KAT6B: variants seen among roughly 807,000 people sequenced by gnomAD.
The protein encoded by KAT6B is lysine acetyltransferase 6B.
In KAT6B, 10 loss-of-function variants were observed where a neutral mutation model predicts 187.5. That is an observed-to-expected ratio of 0.05 (90% CI 0.03 to 0.09). KAT6B has a LOEUF of 0.09. KAT6B is among the 10% of genes least tolerant of loss of function. The probability of loss-of-function intolerance (pLI) is 1.00; values close to 1 mark genes in which losing one functional copy is unlikely to be tolerated. For synonymous variants in KAT6B, 861 were observed against 926.8 expected, an observed-to-expected ratio of 0.93 and a Z score of 1.29; for missense variants, 1,952 against 2,558.9, an observed-to-expected ratio of 0.76 and a Z score of 5.12.
intron 12 of KAT6B, among the ~76,000 whole-genome samples, chr10:74,986,388 T>A (rs749495579): frequency 1.1e-4 from 17 of 152,204 alleles, no homozygotes; most frequent in Non-Finnish European, 2.2e-4. Context: ...TGATATTTTT[T>A]TATATTAGGT....
intron 3 of KAT6B, among the ~76,000 whole-genome samples, chr10:74,956,522 C>G (rs1228700665): frequency 6.6e-6 from 1 of 152,036 alleles, no homozygotes; most frequent in Non-Finnish European, 1.5e-5. Context: ...AGAGTTATTG[C>G]CACTGATGGA....
upstream of KAT6B, among the ~76,000 whole-genome samples, chr10:74,826,206 C>G (rs1439161102): frequency 6.6e-6 from 1 of 151,794 alleles, no homozygotes; most frequent in Non-Finnish European, 1.5e-5. Context: ...TAAGGCTACG[C>G]TCCTCTGCTG....
chr10:74,967,995 A>C (rs972601900), intron 4 of KAT6B, among the ~76,000 whole-genome samples: 4 of 152,208 alleles, frequency 2.6e-5, no homozygotes, highest in South Asian at 2.1e-4. Context: ...GGGGGGAAGT[A>C]AGTGGTATAC....
intron 3 of KAT6B, among the ~76,000 whole-genome samples, chr10:74,951,215 C>G (rs1374728757): frequency 6.6e-6 from 1 of 151,708 alleles, no homozygotes; most frequent in African/African-American, 2.4e-5. Context: ...CTGCAACCTC[C>G]CTCTCCCGGG....
chr10:74,997,562 A>T (rs1843523474), intron 13 of KAT6B, among the ~76,000 whole-genome samples: 1 of 152,176 alleles, frequency 6.6e-6, no homozygotes, highest in Non-Finnish European at 1.5e-5. Flanking sequence ...GAAGTCTCTT[A>T]GGTATAATGG....
At position 75,030,220 on chromosome 10, in the gene KAT6B, G is replaced by A; in HGVS notation, c.5396G>A (p.Gly1799Asp). The A allele has an allele frequency of 1.2e-6, 2 of 1,614,176 alleles. 1 individual carries two copies. Among genetic ancestry groups the A allele is most frequent in the East Asian group, 4.5e-5 (2 of 44,888 alleles). ...AACATTGGCTTATACGAGCGAATGG[G>A]TCAGAGTGATTTTGGGGCTGGGCAT... ...NANIGLYERM[G>D]QSDFGAGHYP... The change falls in exon 18 of 18, where the codon GGT (glycine) becomes GAT (aspartate). Residue 1799 changes from glycine to aspartate, a missense_variant. This residue lies in a region of KAT6B where 358 missense variants were observed against 436.3 expected (regional missense o/e 0.82). Transcript: ENST00000287239. This position sits in a 1 kb window ranked among gnomAD's most constrained non-coding sequence, Gnocchi z 4.8.
chr10:74,997,179 C>G (rs561940966), intron 13 of KAT6B, among the ~76,000 whole-genome samples: 3 of 151,960 alleles, frequency 2.0e-5, no homozygotes, highest in Admixed American at 6.5e-5. Flanking sequence ...CTGGGCAACA[C>G]AAGGAGACCA....
At position 75,030,965 on chromosome 10, in the gene KAT6B, G is replaced by A. The variant is rs1846281686; in HGVS notation, c.6141G>A (p.Met2047Ile). The change falls in exon 18 of 18, where the codon ATG becomes ATA. Residue 2047 changes from methionine to isoleucine, a missense_variant. Coordinates refer to ENST00000287239, the MANE Select transcript of KAT6B (RefSeq NM_012330.4). This position sits in a 1 kb window ranked among gnomAD's most constrained non-coding sequence, Gnocchi z 4.8. ...PMQTPPHGNM[M>I]YTAPGHHGYM... ...AGACCCCACCCCACGGTAACATGAT[G>A]TACACGGCCCCCGGACATCACGGCT... The A allele has an allele frequency of 1.2e-6, 2 of 1,614,132 alleles. No homozygotes were observed. Among genetic ancestry groups the A allele is most frequent in the Non-Finnish European group, 1.7e-6 (2 of 1,180,034 alleles).
chr10:74,972,723 G>T, intron 7 of KAT6B, 84 bp downstream of exon 7: 1 of 1,287,538 alleles, frequency 7.8e-7, no homozygotes. Context: ...TTCCTTTAGG[G>T]GTTTTTTGGC....
At chr10:74,865,981 AT>A (rs1369030525) in intron 3 of KAT6B, among the ~76,000 whole-genome samples, 1 of 152,032 alleles carries the variant, frequency 6.6e-6, no homozygotes, top group Non-Finnish European at 1.5e-5. Context: ...CTAATACAGT[AT>A]TCATGGATGC....
chr10:74,852,522 GTTGTTGAGACA>G (rs1842538980), intron 3 of KAT6B, among the ~76,000 whole-genome samples: 1 of 152,224 alleles, frequency 6.6e-6, no homozygotes, highest in Admixed American at 6.5e-5. Context: ...GGTAGTACCA[GTTGTTGAGACA>G]TTGTTGAGAG....
At chr10:74,894,204 C>A (rs1241896547) in intron 3 of KAT6B, among the ~76,000 whole-genome samples, 1 of 152,134 alleles carries the variant, frequency 6.6e-6, no homozygotes, top group Non-Finnish European at 1.5e-5. Flanking sequence ...GCCTCAGCCT[C>A]CCAAGTAGCT....
intron 3 of KAT6B, among the ~76,000 whole-genome samples, chr10:74,856,762 G>A (rs1019341234): frequency 6.6e-6 from 1 of 152,078 alleles, no homozygotes; most frequent in Admixed American, 6.6e-5. Context: ...TCAGCTGGGC[G>A]TGGTGGCATG....
At chr10:74,853,092 T>C (rs1388631023) in intron 3 of KAT6B, among the ~76,000 whole-genome samples, 2 of 151,594 alleles carry the variant, frequency 1.3e-5, no homozygotes, top group African/African-American at 4.8e-5. Context: ...TTTATCTTTG[T>C]ATGTTATTTC....
chr10:74,828,833 C>G (rs1173760205), intron 1 of KAT6B, among the ~76,000 whole-genome samples: 2 of 151,940 alleles, frequency 1.3e-5, no homozygotes, highest in African/African-American at 4.8e-5. Flanking sequence ...TCCCAAAGTG[C>G]TGGGATTACA....
chr10:74,855,841 A>G lies in KAT6B; in HGVS notation c.621+12363A>G, dbSNP rs537247388. ...ATTTTGCCACATTCTTTCTCTTCCT[A>G]TATGTGTGTATATGTATATGTTTTT... On this transcript the variant is annotated intron_variant, in intron 3 of 17. Transcript: ENST00000287239. 1.5e-4 allele frequency among the ~76,000 whole-genome samples: 23 copies of G among 151,934 alleles called. No individual in the cohort carries two copies. The South Asian group carries it at 4.6e-3, about 30-fold the overall frequency.
intron 3 of KAT6B, among the ~76,000 whole-genome samples, chr10:74,887,019 G>C (rs1845329762): frequency 6.6e-6 from 1 of 152,202 alleles, no homozygotes; most frequent in African/African-American, 2.4e-5. Flanking sequence ...TGATCTCATA[G>C]TGCAGGTGTG....
chr10:74,992,560 A>G (rs542568305), intron 13 of KAT6B, among the ~76,000 whole-genome samples: 2 of 152,194 alleles, frequency 1.3e-5, no homozygotes, highest in Non-Finnish European at 2.9e-5. Context: ...GGAAACGATC[A>G]AGTATGGTTT....
At chr10:74,935,497 G>A (rs959329451) in intron 3 of KAT6B, among the ~76,000 whole-genome samples, 2 of 151,872 alleles carry the variant, frequency 1.3e-5, no homozygotes, top group African/African-American at 4.8e-5. Context: ...ACGAGATCTT[G>A]CTATGTTGTT....
Sources: gnomAD v4.1 joint callset for allele counts (sites outside exome capture counted in the v4.1 genomes callset) on GRCh38, gnomAD v4.1.1 for gene constraint, gnomAD v4.1.1 regional missense constraint, Gnocchi (gnomAD v3.1) non-coding constraint, MANE v1.5 for transcripts, NCBI Gene and HGNC (gene_info 2026-07-23, HGNC 2026-07-21) for gene names.